TRMT44: variants seen among roughly 807,000 people sequenced by gnomAD.
The protein encoded by TRMT44 is probable tRNA (uracil-O(2)-)-methyltransferase.
A neutral mutation model predicts 77.3 loss-of-function variants in TRMT44; 78 were observed. That is an observed-to-expected ratio of 1.01 (90% confidence interval 0.84 to 1.22). The LOEUF (loss-of-function observed/expected upper bound fraction) is 1.22. Among genes scored for constraint, TRMT44 ranks in the 50% most tolerant of loss-of-function variants. The pLI, the probability that TRMT44 is intolerant of heterozygous loss-of-function variation, is 0.00. For missense variants in TRMT44, 1,090 were observed against 964.4 expected (o/e 1.13, Z -1.73); for synonymous variants, 391 against 383.3 (o/e 1.02, Z -0.23).
At chr4:8,441,822 TG>T (rs1724729954) in intron 1 of TRMT44, among the ~76,000 whole-genome samples, 1 of 151,978 alleles carries the variant, frequency 6.6e-6, no homozygotes, top group Admixed American at 6.6e-5. Context: ...GCATAAAGAT[TG>T]GGGGCCAGGG....
intron 8 of TRMT44, 102 bp from the exon 9 acceptor site, chr4:8,467,812 A>C: frequency 1.6e-6 from 2 of 1,276,728 alleles, no homozygotes; most frequent in Non-Finnish European, 2.2e-6. Flanking sequence ...CATGATAGAC[A>C]TTGAAAACTT....
downstream of TRMT44, among the ~76,000 whole-genome samples, chr4:8,479,809 CAT>C (rs1413966909): frequency 6.6e-6 from 1 of 152,032 alleles, no homozygotes; most frequent in African/African-American, 2.4e-5. Flanking sequence ...ATTTTAAAAA[CAT>C]TTTTGACTCT....
the TRMT44 span, among the ~76,000 whole-genome samples, chr4:8,504,819 G>C: frequency 0.058 from 8,808 of 152,172 alleles, 603 homozygotes; most frequent in African/African-American, 0.17. This position sits in a 1 kb window ranked among gnomAD's most constrained non-coding sequence, Gnocchi z 5.3. Context: ...TGCCAGCCCC[G>C]TCTGCCTCAC....
chr4:8,506,935 G>A, the TRMT44 span: 2 of 152,752 alleles, frequency 1.3e-5, no homozygotes, highest in Admixed American at 1.3e-4. Context: ...GCTTCCTGGA[G>A]GCAGCGTGGG....
intron 6 of TRMT44, among the ~76,000 whole-genome samples, chr4:8,455,654 T>G (rs1725756967): frequency 6.6e-6 from 1 of 152,252 alleles, no homozygotes; most frequent in African/African-American, 2.4e-5. Context: ...TACGGAACTT[T>G]GACCCTGGCT....
Position 8,452,126 on chromosome 4 carries a change from C to T in TRMT44, c.1023+98C>T, listed in dbSNP as rs1725492437. The T allele has an allele frequency of 1.8e-6, 2 of 1,094,494 alleles. No individual in the cohort carries two copies. The highest frequency in any genetic ancestry group is 2.0e-5 in the Admixed American group (1 of 49,350). 67.8% of individuals were successfully genotyped at this position (1,094,494 alleles called of 1,614,324 possible). ...AGGACATTTTCCAAATCCATAACTG[C>T]CGGTGCTCACAATTCTGCTGGCCAA... On this transcript the variant is annotated intron_variant, in intron 4 of 10. Transcript: ENST00000389737. This position sits in a 1 kb window ranked among gnomAD's most constrained non-coding sequence, Gnocchi z 5.7.
the TRMT44 span, among the ~76,000 whole-genome samples, chr4:8,503,314 C>T: frequency 6.3e-4 from 96 of 152,358 alleles, no homozygotes; most frequent in African/African-American, 1.8e-3. Context: ...GGCACTCTAT[C>T]CCAGCAGACC....
At chr4:8,466,810 A>AGTGGAT (rs1726587563) in intron 8 of TRMT44, among the ~76,000 whole-genome samples, 1 of 152,208 alleles carries the variant, frequency 6.6e-6, no homozygotes, top group South Asian at 2.1e-4. Context: ...CGAATGTAAG[A>AGTGGAT]GTGGATGTGA....
intron 2 of TRMT44, among the ~76,000 whole-genome samples, chr4:8,490,896 GT>G (rs1046603568): frequency 2.0e-5 from 3 of 152,032 alleles, no homozygotes; most frequent in Non-Finnish European, 4.4e-5. Flanking sequence ...AGATACAAAG[GT>G]TCTCCACGTC....
At chr4:8,455,615 T>A (rs1725753782) in intron 6 of TRMT44, among the ~76,000 whole-genome samples, 1 of 152,224 alleles carries the variant, frequency 6.6e-6, no homozygotes, top group African/African-American at 2.4e-5. Flanking sequence ...TTTACAGTTT[T>A]AAAAAATAAT....
chr4:8,458,459 C>CTTTTTT (rs1156752172), intron 6 of TRMT44, among the ~76,000 whole-genome samples: 9 of 142,750 alleles, frequency 6.3e-5, no homozygotes, highest in African/African-American at 2.1e-4. Flanking sequence ...ATTTTCTTTT[C>CTTTTTT]TTTTCTTTTT....
chr4:8,497,383 C>T (rs182957700), downstream of TRMT44, among the ~76,000 whole-genome samples: 407 of 152,228 alleles, frequency 2.7e-3, 7 homozygotes, highest in Admixed American at 0.014. Flanking sequence ...CGGTGGCTCA[C>T]GCCTGTAATC....
At chr4:8,510,803 TG>T in the TRMT44 span, 1 of 151,704 alleles carries the variant, frequency 6.6e-6, no homozygotes, top group Admixed American at 6.6e-5. Context: ...GAGGGAGTCG[TG>T]GGGTGGAGGG....
At chr4:8,506,116 C>T in the TRMT44 span, among the ~76,000 whole-genome samples, 1 of 152,230 alleles carries the variant, frequency 6.6e-6, no homozygotes, top group Non-Finnish European at 1.5e-5. Flanking sequence ...TGAGTATGTG[C>T]TCCTGATGAG....
chr4:8,471,341 C>T (rs1371558602), intron 10 of TRMT44, 141 bp downstream of exon 10: 2 of 592,770 alleles, frequency 3.4e-6, no homozygotes, highest in East Asian at 3.2e-5. Flanking sequence ...CCACCCAGCT[C>T]TGACGTGGGT....
At chr4:8,458,829 C>T (rs181236920) in intron 6 of TRMT44, among the ~76,000 whole-genome samples, 42 of 152,096 alleles carry the variant, frequency 2.8e-4, no homozygotes, top group Middle Eastern at 3.4e-3. Flanking sequence ...GTGTTTTAAT[C>T]GACTTTTATG....
Position 8,446,145 on chromosome 4 carries a change from C to CA in TRMT44, c.620-330dup, listed in dbSNP as rs1353128851. On this transcript the variant is annotated intron_variant, in intron 1 of 10. Transcript: ENST00000389737. The surrounding 1 kb of genome is among the most constrained non-coding windows in gnomAD (Gnocchi z 4.3). ...AAGATCATGGTCAGGCTGTGGCAGA[C>CA]ACTCAGTTAGGGCAGAGGTCCCCTG... 1.3e-5 allele frequency among the ~76,000 whole-genome samples: 2 copies of CA among 152,190 alleles called. No individual in the cohort carries two copies. Among genetic ancestry groups the CA allele is most frequent in the African/African-American group, 4.8e-5 (2 of 41,436 alleles).
the TRMT44 span, among the ~76,000 whole-genome samples, chr4:8,513,017 A>G: frequency 2.7e-4 from 41 of 152,280 alleles, no homozygotes; most frequent in African/African-American, 9.6e-4. Context: ...GGTTCAACCA[A>G]TTCTTCTGTG....
At chr4:8,514,829 A>G in the TRMT44 span, among the ~76,000 whole-genome samples, 1 of 152,194 alleles carries the variant, frequency 6.6e-6, no homozygotes, top group African/African-American at 2.4e-5. Flanking sequence ...AAAGGCCCCC[A>G]AGCTCAGGCC....
Sources: allele counts gnomAD v4.1 joint callset (sites outside exome capture counted in the v4.1 genomes callset), GRCh38; gene constraint gnomAD v4.1.1; non-coding constraint Gnocchi (gnomAD v3.1); transcripts MANE v1.5; gene names NCBI Gene and HGNC (gene_info 2026-07-23, HGNC 2026-07-21).